The following TNRC6B variants were observed in gnomAD, a reference collection of about 807,000 sequenced individuals.
The protein encoded by TNRC6B is trinucleotide repeat-containing gene 6B protein.
A neutral mutation model predicts 203.6 loss-of-function variants in TNRC6B; 52 were observed. That is an observed-to-expected ratio of 0.26 (90% CI 0.20 to 0.32). The LOEUF is 0.32. Ranked by LOEUF, TNRC6B falls within the 10% of genes least tolerant of loss-of-function variation. The pLI is 1.00. For missense variants in TNRC6B, 1,923 were observed against 2,286.2 expected, an observed-to-expected ratio of 0.84 and a Z score of 3.24; for synonymous variants, 838 against 845.7, an observed-to-expected ratio of 0.99 and a Z score of 0.16.
intron 1 of TNRC6B, among the ~76,000 whole-genome samples, chr22:40,052,843 TGTA>T (rs2067761367): frequency 6.6e-6 from 1 of 152,218 alleles, no homozygotes; most frequent in African/African-American, 2.4e-5. Context: ...TGACCAGTTG[TGTA>T]GTAGTAGGCA....
intron 4 of TNRC6B, among the ~76,000 whole-genome samples, chr22:40,158,649 G>C (rs1490755762): frequency 6.6e-6 from 1 of 152,170 alleles, no homozygotes; most frequent in Admixed American, 6.5e-5. Context: ...GGAATGCCAT[G>C]TGTCGTATCC....
At chr22:40,270,057 C>T in intron 5 of TNRC6B, 65 bp from the exon 6 acceptor site, 1 of 1,505,568 alleles carries the variant, frequency 6.6e-7, no homozygotes, top group African/African-American at 1.4e-5. Flanking sequence ...TCCACCTTCA[C>T]CCCACTGGAT....
chr22:40,173,481 A>G (rs989242600), upstream of TNRC6B, among the ~76,000 whole-genome samples: 3 of 148,510 alleles, frequency 2.0e-5, no homozygotes, highest in Non-Finnish European at 4.4e-5. Flanking sequence ...AAACAGATAT[A>G]TATATAATCT....
At chr22:40,204,039 A>G (rs1373035935) in intron 1 of TNRC6B, among the ~76,000 whole-genome samples, 1 of 152,242 alleles carries the variant, frequency 6.6e-6, no homozygotes, top group African/African-American at 2.4e-5. Flanking sequence ...TTAATAAATA[A>G]AAGCGAATCA....
At chr22:40,064,771 C>A (rs2067881739) in intron 1 of TNRC6B, among the ~76,000 whole-genome samples, 1 of 152,032 alleles carries the variant, frequency 6.6e-6, no homozygotes. Context: ...CATGTGCCAC[C>A]ACACCCGACT....
intron 1 of TNRC6B, among the ~76,000 whole-genome samples, chr22:40,085,845 TTGC>T (rs1007926003): frequency 8.2e-5 from 11 of 133,570 alleles, no homozygotes; most frequent in African/African-American, 2.6e-4. Flanking sequence ...ATTTTTGTTG[TTGC>T]TGTTGTTGTT....
At chr22:40,290,352 T>C (rs2070853487) in intron 12 of TNRC6B, among the ~76,000 whole-genome samples, 1 of 152,152 alleles carries the variant, frequency 6.6e-6, no homozygotes, top group Non-Finnish European at 1.5e-5. Flanking sequence ...AAAAGGCAGG[T>C]TGTGTTACTC....
chr22:40,219,790 G>T (rs533610201), intron 1 of TNRC6B, among the ~76,000 whole-genome samples: 2 of 152,194 alleles, frequency 1.3e-5, no homozygotes, highest in African/African-American at 4.8e-5. Flanking sequence ...TCTACATTCT[G>T]TCCTATTACC....
At chr22:40,088,573 G>A (rs1260834644) in intron 1 of TNRC6B, among the ~76,000 whole-genome samples, 3 of 133,702 alleles carry the variant, frequency 2.2e-5, no homozygotes, top group East Asian at 2.1e-4. Flanking sequence ...CACCATGCCC[G>A]GCGGCTACTT....
chr22:40,117,001 A>G (rs1185050326), intron 1 of TNRC6B: 1 of 152,532 alleles, frequency 6.6e-6, no homozygotes, highest in Non-Finnish European at 1.5e-5. Context: ...CCACTGTTTC[A>G]TGTGGCATCT....
intron 1 of TNRC6B, among the ~76,000 whole-genome samples, chr22:40,225,811 T>C (rs1264661663): frequency 6.6e-6 from 1 of 151,172 alleles, no homozygotes; most frequent in African/African-American, 2.4e-5. Flanking sequence ...TCAGATTGTC[T>C]ATTAAAGATT....
At chr22:40,100,561 T>G (rs907140813) in intron 1 of TNRC6B, among the ~76,000 whole-genome samples, 2 of 152,142 alleles carry the variant, frequency 1.3e-5, no homozygotes, top group African/African-American at 4.8e-5. Context: ...AAAAAAAATT[T>G]ATAGACATGG....
chr22:40,321,238 T>G lies in TNRC6B; in HGVS notation c.5114+9T>G. ...CAAACTGCACTGCACATGTGAGTAT[T>G]CGGTCCTACACCCACGTAGACAAAC... is the stretch of plus-strand genomic sequence containing the variant. On this transcript the variant is annotated intron_variant, in intron 22 of 22. Transcript: ENST00000454349. 1 of 1,613,586 alleles carries G rather than the reference T, an allele frequency of 6.2e-7. No individual in the cohort carries two copies. The highest frequency in any genetic ancestry group is 8.5e-7 in the Non-Finnish European group (1 of 1,179,846).
chr22:40,227,358 CTTTT>C (rs71199278), intron 1 of TNRC6B, among the ~76,000 whole-genome samples: 3 of 70,952 alleles, frequency 4.2e-5, no homozygotes, highest in African/African-American at 1.5e-4. Flanking sequence ...CTGAAATTAC[CTTTT>C]TTTTTTTTTT....
At chr22:40,194,402 G>A (rs1316901143) in intron 1 of TNRC6B, among the ~76,000 whole-genome samples, 1 of 152,158 alleles carries the variant, frequency 6.6e-6, no homozygotes, top group African/African-American at 2.4e-5. Context: ...CTGTGCTTGG[G>A]CATTATGGTA....
upstream of TNRC6B, among the ~76,000 whole-genome samples, chr22:40,173,361 G>A (rs1208957166): frequency 1.3e-5 from 2 of 151,104 alleles, no homozygotes; most frequent in African/African-American, 4.9e-5. Flanking sequence ...CAAAGTACTG[G>A]AATTACAGGT....
intron 3 of TNRC6B, among the ~76,000 whole-genome samples, chr22:40,153,366 G>A (rs919465633): frequency 2.6e-5 from 4 of 152,102 alleles, no homozygotes; most frequent in African/African-American, 4.8e-5. Context: ...AGATGTCAGC[G>A]ATTCAGTGGC....
chr22:40,210,190 C>T (rs2069542614), intron 1 of TNRC6B, among the ~76,000 whole-genome samples: 1 of 152,046 alleles, frequency 6.6e-6, no homozygotes, highest in Non-Finnish European at 1.5e-5. Flanking sequence ...CCTTCCCCCA[C>T]CTGAAAGGGT....
rs1266503916 is a variant in TNRC6B at position 40,329,556 on chromosome 22, C to T, written c.*6315C>T. On this transcript the variant is annotated 3_prime_UTR_variant, in exon 23 of 23. Coordinates refer to ENST00000454349, the MANE Select transcript of TNRC6B (RefSeq NM_001162501.2). ...AATAAAAATTCAACATCGACCCTCCCTAACCTGCTCACCATACCTCCCCAC... is the reference window on the plus strand; with the variant it reads ...AATAAAAATTCAACATCGACCCTCCTTAACCTGCTCACCATACCTCCCCAC... 6.6e-6 allele frequency: 1 copy of T among 152,134 alleles called. No homozygotes were observed. 9.4% of individuals were successfully genotyped at this position (152,134 alleles called of 1,614,324 possible). A position where few individuals can be genotyped will look rare whatever the true frequency, so the allele number is the denominator to read the frequency against.
Sources: allele counts gnomAD v4.1 joint callset (sites outside exome capture counted in the v4.1 genomes callset), GRCh38; gene constraint gnomAD v4.1.1; transcripts MANE v1.5; gene names NCBI Gene and HGNC (gene_info 2026-07-23, HGNC 2026-07-21).